Variants in KHDRBS2 observed in about 807,000 individuals in gnomAD.
The protein encoded by KHDRBS2 is KH RNA binding domain containing, signal transduction associated 2.
A neutral mutation model predicts 44.3 loss-of-function variants in KHDRBS2; 26 were observed. The observed-to-expected ratio is 0.59, with a 90% CI of 0.43 to 0.81. KHDRBS2 has a LOEUF of 0.81. KHDRBS2 is among the 40% of genes least tolerant of loss of function. The probability of loss-of-function intolerance (pLI) is 0.00; values close to 1 mark genes in which losing one functional copy is unlikely to be tolerated. For missense variants in KHDRBS2, 476 were observed against 433.1 expected, an observed-to-expected ratio of 1.10 and a Z score of -0.88; for synonymous variants, 194 against 151.1, an observed-to-expected ratio of 1.28 and a Z score of -2.08.
chr6:62,061,048 A>G (rs933481401), intron 2 of KHDRBS2, among the ~76,000 whole-genome samples: 2 of 151,716 alleles, frequency 1.3e-5, no homozygotes, highest in Admixed American at 6.6e-5. Context: ...CCATCCTTTT[A>G]TTTTGAGCCT....
intron 1 of KHDRBS2, among the ~76,000 whole-genome samples, chr6:62,202,240 G>A (rs1827144642): frequency 6.6e-6 from 1 of 151,994 alleles, no homozygotes; most frequent in Non-Finnish European, 1.5e-5. Context: ...GAATTCTTTA[G>A]AGACTGTGTT....
chr6:61,642,495 T>A, the KHDRBS2 span, among the ~76,000 whole-genome samples: 2 of 133,990 alleles, frequency 1.5e-5, no homozygotes, highest in Non-Finnish European at 3.1e-5. Flanking sequence ...GTTTCTATAT[T>A]AAAAAAAAAA....
At chr6:62,105,937 A>G (rs1803142777) in intron 2 of KHDRBS2, among the ~76,000 whole-genome samples, 1 of 152,108 alleles carries the variant, frequency 6.6e-6, no homozygotes, top group African/African-American at 2.4e-5. Context: ...TTCCCTCTAC[A>G]CACTGTTTTG....
Position 62,206,166 on chromosome 6 carries a change from A to G in KHDRBS2, c.92-28854T>C, listed in dbSNP as rs374879839. The stretch of plus-strand genomic sequence containing the variant: ...ACCTCACTAAAAGTATCTTCAACAG[A>G]ATATCCATTTAATTTTCAAAACTAT... On this transcript the variant is annotated intron_variant, in intron 1 of 8. Transcript: ENST00000281156. 2.0e-5 allele frequency among the ~76,000 whole-genome samples: 3 copies of G among 152,252 alleles called. No individual in the cohort carries two copies. In the East Asian group the frequency reaches 5.8e-4, roughly 29 times the overall value.
chr6:61,953,182 T>C (rs1295784443), intron 4 of KHDRBS2, among the ~76,000 whole-genome samples: 2 of 152,028 alleles, frequency 1.3e-5, no homozygotes, highest in African/African-American at 4.8e-5. Context: ...ATTAGGTAAC[T>C]GGAGATTTAT....
chr6:61,628,938 T>A, the KHDRBS2 span, among the ~76,000 whole-genome samples: 1 of 152,348 alleles, frequency 6.6e-6, no homozygotes, highest in South Asian at 2.1e-4. Context: ...GCTGTAATAG[T>A]TTCTCTATTG....
intron 7 of KHDRBS2, among the ~76,000 whole-genome samples, chr6:61,704,910 G>A (rs1005020138): frequency 6.6e-6 from 1 of 151,758 alleles, no homozygotes; most frequent in African/African-American, 2.4e-5. Context: ...ATTAAAACGT[G>A]AGAAAATTGA....
chr6:62,028,459 G>A (rs1477276925), intron 3 of KHDRBS2, among the ~76,000 whole-genome samples: 2 of 151,122 alleles, frequency 1.3e-5, no homozygotes, highest in South Asian at 2.1e-4. Flanking sequence ...TGTGTTGATC[G>A]TCTGGTTAAC....
intron 2 of KHDRBS2, among the ~76,000 whole-genome samples, chr6:62,059,737 T>C (rs2127324702): frequency 6.6e-6 from 1 of 151,832 alleles, no homozygotes; most frequent in African/African-American, 2.4e-5. Flanking sequence ...TACGTTGTAA[T>C]TTTCTATACA....
At chr6:62,234,896 C>A (rs1833455132) in intron 1 of KHDRBS2, among the ~76,000 whole-genome samples, 1 of 151,512 alleles carries the variant, frequency 6.6e-6, no homozygotes. Context: ...CTATTCTGCA[C>A]CAAAACTCAA....
Position 62,019,952 on chromosome 6 carries a change from C to A in KHDRBS2, c.336+27926G>T, listed in dbSNP as rs531487171. Among the ~76,000 whole-genome samples, 7 of 150,566 alleles carry A rather than the reference C, an allele frequency of 4.6e-5. No homozygotes were observed. The South Asian group carries it at 1.5e-3, about 31-fold the overall frequency. ...CAATCTGATCTTTATTATTTCTTTT[C>A]TTTTCTTTATTTTATACTTAATTTG... On this transcript the variant is annotated intron_variant, in intron 3 of 8. Coordinates refer to ENST00000281156, the MANE Select transcript of KHDRBS2 (RefSeq NM_152688.4).
At chr6:61,838,966 T>C (rs1057426636) in intron 6 of KHDRBS2, among the ~76,000 whole-genome samples, 28 of 152,042 alleles carry the variant, frequency 1.8e-4, no homozygotes, top group African/African-American at 6.3e-4. Flanking sequence ...CTCTCCAGGG[T>C]CATTACTCAC....
At chr6:62,024,102 T>A (rs1782847270) in intron 3 of KHDRBS2, among the ~76,000 whole-genome samples, 1 of 151,324 alleles carries the variant, frequency 6.6e-6, no homozygotes, top group Non-Finnish European at 1.5e-5. Flanking sequence ...GATATCTTAA[T>A]ATCTTTCTCA....
intron 1 of KHDRBS2, among the ~76,000 whole-genome samples, chr6:62,279,161 A>G (rs1242247357): frequency 6.6e-6 from 1 of 152,096 alleles, no homozygotes; most frequent in Non-Finnish European, 1.5e-5. Flanking sequence ...CAATCCAAAC[A>G]ACAAAGAAAC....
intron 1 of KHDRBS2, among the ~76,000 whole-genome samples, chr6:62,209,990 C>A (rs1202694717): frequency 3.3e-5 from 5 of 152,084 alleles, no homozygotes; most frequent in African/African-American, 4.8e-5. Flanking sequence ...TGTGGATGGC[C>A]TATTGAGGTA....
chr6:61,556,724 A>G, the KHDRBS2 span, among the ~76,000 whole-genome samples: 1 of 152,124 alleles, frequency 6.6e-6, no homozygotes, highest in Non-Finnish European at 1.5e-5. Flanking sequence ...TGTTCTGGGA[A>G]CTTTGGTGTC....
At chr6:61,990,532 T>C (rs1392340984) in intron 3 of KHDRBS2, among the ~76,000 whole-genome samples, 4 of 152,080 alleles carry the variant, frequency 2.6e-5, no homozygotes, top group Non-Finnish European at 5.9e-5. Flanking sequence ...CATACAAGCT[T>C]CTAGAAGTAG....
intron 6 of KHDRBS2, among the ~76,000 whole-genome samples, chr6:61,747,880 A>G (rs1267068374): frequency 6.6e-6 from 1 of 152,220 alleles, no homozygotes. Flanking sequence ...TCTATTTAGC[A>G]GTGCTGGTTA....
At chr6:61,612,107 A>G in the KHDRBS2 span, among the ~76,000 whole-genome samples, 1 of 148,590 alleles carries the variant, frequency 6.7e-6, no homozygotes, top group African/African-American at 2.5e-5. Context: ...TACTAGAAAA[A>G]ATCTTTAAAA....
Sources: allele counts gnomAD v4.1 joint callset (sites outside exome capture counted in the v4.1 genomes callset), GRCh38; gene constraint gnomAD v4.1.1; transcripts MANE v1.5; gene names NCBI Gene and HGNC (gene_info 2026-07-23, HGNC 2026-07-21).